The following PPIC variants were observed in gnomAD, a reference collection of about 807,000 sequenced individuals.
PPIC encodes the protein peptidylprolyl isomerase C.
In PPIC, 19 loss-of-function variants were observed where a neutral mutation model predicts 19.5. The observed-to-expected ratio is 0.98, with a 90% CI of 0.68 to 1.43. The LOEUF is 1.43. Among genes scored for constraint, PPIC ranks in the 40% most tolerant of loss-of-function variants. The probability of loss-of-function intolerance (pLI) is 0.00; values close to 1 mark genes in which losing one functional copy is unlikely to be tolerated. For missense variants in PPIC, 268 were observed against 268.6 expected (o/e 1.00, Z 0.02); for synonymous variants, 107 against 101.2 (o/e 1.06, Z -0.34).
intron 1 of PPIC, 23 bp from the exon 2 acceptor site, chr5:123,029,441 G>C (rs1302296639): frequency 1.3e-6 from 2 of 1,557,156 alleles, no homozygotes; most frequent in East Asian, 2.3e-5. Context: ...GAAAGGCAAA[G>C]TGGAAGGTTA....
intron 4 of PPIC, among the ~76,000 whole-genome samples, chr5:123,025,534 C>T (rs568264533): frequency 6.2e-4 from 94 of 152,228 alleles, no homozygotes; most frequent in Middle Eastern, 3.4e-3. Context: ...TTAAAAAGGG[C>T]TTTACATTTA....
At position 123,036,184 on chromosome 5, in the gene PPIC, T is replaced by G; in HGVS notation, c.117+325A>C. 2.8e-6 allele frequency: 1 copy of G among 351,322 alleles called. No individual in the cohort carries two copies. Among genetic ancestry groups the G allele is most frequent in the Non-Finnish European group, 5.3e-6 (1 of 188,002 alleles). The allele number at this position is 351,322 out of a possible 1,614,324, so 21.8% of individuals were successfully genotyped here. A position where few individuals can be genotyped will look rare whatever the true frequency, so the allele number is the denominator to read the frequency against. On this transcript the variant is annotated intron_variant, in intron 1 of 4. Transcript: ENST00000306442. This position sits in a 1 kb window ranked among gnomAD's most constrained non-coding sequence, Gnocchi z 4.5. ...TGAAGGAAGTACTTGGGCAGTCTCT[T>G]TCCTGGAGAACGGGCCCGCCGGTTC... is the stretch of plus-strand genomic sequence containing the variant.
At chr5:123,027,055 A>G (rs1762869917) in intron 3 of PPIC, among the ~76,000 whole-genome samples, 1 of 152,068 alleles carries the variant, frequency 6.6e-6, no homozygotes, top group Non-Finnish European at 1.5e-5. Context: ...TCAGCCGGGC[A>G]TGGTGGCGGG....
Position 123,036,136 on chromosome 5 carries a change from C to G in PPIC, c.117+373G>C. 1 of 235,762 alleles carries G rather than the reference C, an allele frequency of 4.2e-6. No individual in the cohort carries two copies. 14.6% of individuals were successfully genotyped at this position (235,762 alleles called of 1,614,324 possible). A position where few individuals can be genotyped will look rare whatever the true frequency, so the allele number is the denominator to read the frequency against. ...CCCCCCTCCCCGCATTCCTCTCGTT[C>G]TGCTCCCGAGCCCAGGCCACGCTGA... On this transcript the variant is annotated intron_variant, in intron 1 of 4. Transcript: ENST00000306442. This position sits in a 1 kb window ranked among gnomAD's most constrained non-coding sequence, Gnocchi z 4.5.
Position 123,036,717 on chromosome 5 carries a change from T to G in PPIC, c.-92A>C. ...ACAGCTGACGGGACTGCCGGCCGGC[T>G]GCGCCTGCGCGCTCCCGGTTGCGGG... On this transcript the variant is annotated 5_prime_UTR_variant, in exon 1 of 5. Transcript: ENST00000306442. The surrounding 1 kb of genome is among the most constrained non-coding windows in gnomAD (Gnocchi z 4.5). 9.1e-7 allele frequency: 1 copy of G among 1,099,646 alleles called. No homozygotes were observed. Among genetic ancestry groups the G allele is most frequent in the Non-Finnish European group, 1.3e-6 (1 of 776,584 alleles). The allele number at this position is 1,099,646 out of a possible 1,614,324, so 68.1% of individuals were successfully genotyped here.
At chr5:123,034,957 A>C (rs1762986188) in intron 1 of PPIC, among the ~76,000 whole-genome samples, 1 of 152,200 alleles carries the variant, frequency 6.6e-6, no homozygotes, top group African/African-American at 2.4e-5. Context: ...CTTATGCTTA[A>C]AACCCTTCAG....
intron 2 of PPIC, 60 bp downstream of exon 2, chr5:123,029,245 C>T: frequency 6.2e-7 from 1 of 1,613,490 alleles, no homozygotes; most frequent in East Asian, 2.2e-5. Context: ...CAGATGACAT[C>T]TTTATATTTG....
rs1466408749 is a variant in PPIC, at chr5:123,036,359, C to T, written c.117+150G>A. On this transcript the variant is annotated intron_variant, in intron 1 of 4. Transcript: ENST00000306442. The surrounding 1 kb of genome is among the most constrained non-coding windows in gnomAD (Gnocchi z 4.5). ...CCGGCCTCCCAGCACGCGAGCAGCC[C>T]CCTCCCACCCAGTCCCGCGGCCGCC... The T allele has an allele frequency of 4.3e-6, 3 of 699,874 alleles. No individual in the cohort carries two copies. The highest frequency in any genetic ancestry group is 7.2e-6 in the Non-Finnish European group (3 of 415,972). The allele number at this position is 699,874 out of a possible 1,614,324, so 43.4% of individuals were successfully genotyped here.
At chr5:123,027,296 A>G (rs770991613) in intron 3 of PPIC, among the ~76,000 whole-genome samples, 3 of 152,196 alleles carry the variant, frequency 2.0e-5, no homozygotes, top group Non-Finnish European at 2.9e-5. Flanking sequence ...CTCCTACAGA[A>G]GGGTCTACAC....
At chr5:123,026,930 C>G (rs1468149570) in intron 3 of PPIC, among the ~76,000 whole-genome samples, 1 of 152,156 alleles carries the variant, frequency 6.6e-6, no homozygotes, top group African/African-American at 2.4e-5. Context: ...TGCAGTGGCT[C>G]ACACCTGTAA....
chr5:123,032,175 T>G (rs1036987875), intron 1 of PPIC, among the ~76,000 whole-genome samples: 2 of 152,294 alleles, frequency 1.3e-5, no homozygotes, highest in Non-Finnish European at 2.9e-5. Context: ...CATGACTTAG[T>G]GGTGGTCTCA....
chr5:123,026,253 A>G (rs772305649), intron 3 of PPIC, among the ~76,000 whole-genome samples: 3 of 152,208 alleles, frequency 2.0e-5, no homozygotes, highest in Non-Finnish European at 4.4e-5. Context: ...AAGCAGGTCC[A>G]TGACTTCGCT....
At chr5:123,034,645 G>A (rs1432086983) in intron 1 of PPIC, among the ~76,000 whole-genome samples, 15 of 152,192 alleles carry the variant, frequency 9.9e-5, no homozygotes, top group Non-Finnish European at 1.8e-4. Flanking sequence ...TGCAGGGGAC[G>A]TACTTACACT....
At chr5:123,025,993 C>T in intron 3 of PPIC, 25 bp from the exon 4 acceptor site, 1 of 1,561,010 alleles carries the variant, frequency 6.4e-7, no homozygotes, top group Non-Finnish European at 8.7e-7. Context: ...GGAAGAAAGT[C>T]AACAGATGTC....
intron 1 of PPIC, among the ~76,000 whole-genome samples, chr5:123,033,417 G>T (rs1433073569): frequency 6.6e-6 from 1 of 152,062 alleles, no homozygotes; most frequent in African/African-American, 2.4e-5. Context: ...ATGAGAACTG[G>T]TTTTAAAAGG....
chr5:123,030,886 G>A (rs189445965), intron 1 of PPIC, among the ~76,000 whole-genome samples: 2 of 152,242 alleles, frequency 1.3e-5, no homozygotes, highest in Admixed American at 6.5e-5. Flanking sequence ...AACATCATAC[G>A]AGACACTAGA....
In PPIC at chr5:123,023,913, C is replaced by T. The variant is rs769048726; in HGVS notation, c.601G>A (p.Val201Met). The T allele has an allele frequency of 8.4e-5, 135 of 1,613,734 alleles. No individual in the cohort carries two copies. The highest frequency in any genetic ancestry group is 1.1e-4 in the Non-Finnish European group (127 of 1,179,954). The change falls in exon 5 of 5, where the codon GTG becomes ATG. Residue 201 changes from valine (V) to methionine (M), a missense_variant. By Grantham distance (21) the Val-to-Met change is conservative (BLOSUM62 1). Transcript: ENST00000306442. ...CSIINSGKID[V>M]KTPFVVEIAD... The stretch of plus-strand genomic sequence containing the variant: ...ATCTCAACCACAAAAGGCGTTTTCA[C>T]GTCTATCTTGCCACTGTTGATGATC...
At chr5:123,028,465 C>T in intron 3 of PPIC, 1 of 244,816 alleles carries the variant, frequency 4.1e-6, no homozygotes, top group Admixed American at 5.5e-5. Context: ...CCTTTTCCTT[C>T]CTATGAAAGA....
At chr5:123,034,479 C>G (rs1033120161) in intron 1 of PPIC, among the ~76,000 whole-genome samples, 1 of 152,108 alleles carries the variant, frequency 6.6e-6, no homozygotes, top group Non-Finnish European at 1.5e-5. Flanking sequence ...TCCAGTGGTT[C>G]CCCGCCCACA....
Sources: allele counts gnomAD v4.1 joint callset (sites outside exome capture counted in the v4.1 genomes callset), GRCh38; gene constraint gnomAD v4.1.1; non-coding constraint Gnocchi (gnomAD v3.1); transcripts MANE v1.5; gene names NCBI Gene and HGNC (gene_info 2026-07-23, HGNC 2026-07-21).